DOCK9: variants seen among roughly 807,000 people sequenced by gnomAD.
DOCK9 encodes dedicator of cytokinesis protein 9.
A neutral mutation model predicts 263.3 loss-of-function variants in DOCK9; 89 were observed. The observed-to-expected ratio is 0.34, with a 90% CI of 0.28 to 0.40. The LOEUF is 0.40. DOCK9 is among the 10% of genes least tolerant of loss of function. The pLI is 1.00. For synonymous variants in DOCK9, 976 were observed against 973.1 expected (o/e 1.00, Z -0.06); for missense variants, 2,140 against 2,603.4 (o/e 0.82, Z 3.87).
intron 1 of DOCK9, among the ~76,000 whole-genome samples, chr13:98,995,040 C>T (rs1182955343): frequency 2.0e-5 from 3 of 152,010 alleles, no homozygotes; most frequent in Non-Finnish European, 4.4e-5. Flanking sequence ...AAGAAATGTA[C>T]GCATGGGAAA....
chr13:98,898,334 T>C (rs2139335601), intron 13 of DOCK9, 73 bp from the exon 14 acceptor site: 1 of 1,142,982 alleles, frequency 8.7e-7, no homozygotes, highest in East Asian at 2.5e-5. Context: ...GAGCCATCCT[T>C]ACATGCTCAC....
chr13:98,835,978 C>T lies in DOCK9; in HGVS notation c.4314+1516G>A, dbSNP rs138131606. Among the ~76,000 whole-genome samples the T allele has an allele frequency of 6.8e-3, 1,028 of 152,112 alleles. 8 individuals are homozygous for T. Among genetic ancestry groups the T allele is most frequent in the African/African-American group, 0.023 (967 of 41,510 alleles). On this transcript the variant is annotated intron_variant, in intron 39 of 52. Transcript: ENST00000682017. ...GTCTCGATCTCCTGACCTCGTGATC[C>T]GCCTGCCTTGGCCTCCCAAAGTGCT...
At chr13:98,965,555 T>A (rs2059105048) in intron 1 of DOCK9, among the ~76,000 whole-genome samples, 2 of 152,130 alleles carry the variant, frequency 1.3e-5, no homozygotes, top group Non-Finnish European at 2.9e-5. Context: ...TGCCCTGGGG[T>A]CCCAGGAGGA....
Position 98,933,416 on chromosome 13 carries a change from AT to A in DOCK9, c.244-3160del, listed in dbSNP as rs920067233. Among the ~76,000 whole-genome samples the A allele has an allele frequency of 2.9e-4, 44 of 151,956 alleles. 1 individual carries two copies. Among genetic ancestry groups the A allele is most frequent in the Admixed American group, 2.4e-3 (37 of 15,254 alleles). ...TTTAAATTATTAAACAGAATCCTGA[AT>A]TTTTTTTTCCTTCATGTATGTTCCA... On this transcript the variant is annotated intron_variant, in intron 2 of 52. Transcript: ENST00000682017.
At chr13:98,923,171 C>T in intron 5 of DOCK9, 131 bp downstream of exon 5, 1 of 790,776 alleles carries the variant, frequency 1.3e-6, no homozygotes, top group Non-Finnish European at 2.1e-6. Flanking sequence ...AAAAATTATT[C>T]CCGTTTCATG....
At chr13:98,843,623 T>C (rs2093297194) in intron 38 of DOCK9, among the ~76,000 whole-genome samples, 1 of 152,232 alleles carries the variant, frequency 6.6e-6, no homozygotes. Flanking sequence ...AGCTACATGC[T>C]GTTTACTGGC....
intron 49 of DOCK9, among the ~76,000 whole-genome samples, chr13:98,802,707 G>C (rs1278264419): frequency 6.6e-6 from 1 of 152,168 alleles, no homozygotes; most frequent in African/African-American, 2.4e-5. Context: ...CAGCTGACTG[G>C]GAACTACCCA....
intron 1 of DOCK9, among the ~76,000 whole-genome samples, chr13:99,032,450 T>C (rs1237856063): frequency 6.6e-6 from 1 of 151,070 alleles, no homozygotes; most frequent in Non-Finnish European, 1.5e-5. Flanking sequence ...CACTCCACAC[T>C]TCAGCCTGGG....
chr13:98,854,397 A>C (rs990727447), intron 34 of DOCK9: 4 of 151,984 alleles, frequency 2.6e-5, no homozygotes, highest in Non-Finnish European at 4.4e-5. Context: ...ATTGAAAAAA[A>C]AATTATGCGT....
At chr13:99,008,084 TAAATA>T (rs1595890929) in intron 1 of DOCK9, among the ~76,000 whole-genome samples, 1 of 151,740 alleles carries the variant, frequency 6.6e-6, no homozygotes. Flanking sequence ...AGGTATAGGT[TAAATA>T]AAATGTTACA....
At chr13:98,963,560 A>T (rs1014848690) in intron 1 of DOCK9, among the ~76,000 whole-genome samples, 1 of 152,222 alleles carries the variant, frequency 6.6e-6, no homozygotes, top group Admixed American at 6.5e-5. Context: ...CTGGTGATTA[A>T]ATGTTAAGAA....
intron 33 of DOCK9, 84 bp from the exon 34 acceptor site, chr13:98,856,115 T>A (rs2093700633): frequency 7.1e-7 from 1 of 1,410,396 alleles, no homozygotes; most frequent in African/African-American, 1.4e-5. Context: ...GGAAATTGCT[T>A]TTATTGCACT....
Position 98,845,934 on chromosome 13 carries a change from AGT to A in DOCK9, c.4186_4187del (p.Thr1396PhefsTer2). 6.2e-7 allele frequency: 1 copy of A among 1,613,540 alleles called. No individual in the cohort carries two copies. Among genetic ancestry groups the A allele is most frequent in the Non-Finnish European group, 8.5e-7 (1 of 1,179,718 alleles). ...TGTCATGGGACTTACTGTGGTTAAA[AGT>A]GAGAGAGTTATCCAGGCTGCCCAGC... ...QQLGSLDNSL[T>X]FNHSYGHSDA... On this transcript the variant is annotated frameshift_variant, in exon 38 of 53. Transcript: ENST00000682017. LOFTEE classifies it high-confidence loss of function.
exon 1 of DOCK9, chr13:99,086,610 G>C (rs1473593695): frequency 6.8e-6 from 1 of 147,202 alleles, no homozygotes; most frequent in Non-Finnish European, 1.5e-5. Flanking sequence ...CGCTCCGGGC[G>C]ACCGTGCGTG....
Position 98,846,072 on chromosome 13 carries a change from G to A in DOCK9, c.4062-12C>T. On this transcript the variant is annotated splice_polypyrimidine_tract_variant and intron_variant, in intron 37 of 52. Transcript: ENST00000682017. ...ACCCCTCCTGGTTCCTGCAACATGAGTGAAATGGGATAGAAGCAAAAGTTA... is the reference window on the plus strand; with the variant it reads ...ACCCCTCCTGGTTCCTGCAACATGAATGAAATGGGATAGAAGCAAAAGTTA... The A allele has an allele frequency of 6.4e-7, 1 of 1,561,432 alleles. No homozygotes were observed.
At chr13:98,952,252 T>C (rs2057523453) in intron 2 of DOCK9, among the ~76,000 whole-genome samples, 1 of 151,940 alleles carries the variant, frequency 6.6e-6, no homozygotes, top group Non-Finnish European at 1.5e-5. Context: ...TTTGTTTGTT[T>C]TGAGATGGAG....
intron 1 of DOCK9, among the ~76,000 whole-genome samples, chr13:98,969,339 AG>A (rs1221139243): frequency 3.9e-5 from 6 of 152,172 alleles, no homozygotes; most frequent in African/African-American, 1.4e-4. Context: ...TGCAGGTGGA[AG>A]GGAGGCAAAT....
At chr13:99,042,624 C>A (rs552329882) in intron 1 of DOCK9, among the ~76,000 whole-genome samples, 1 of 152,120 alleles carries the variant, frequency 6.6e-6, no homozygotes, top group Non-Finnish European at 1.5e-5. Flanking sequence ...GAGGAAGGAA[C>A]GTGAAAATAT....
chr13:98,800,407 T>A lies in DOCK9; in HGVS notation c.5797A>T (p.Ile1933Phe), dbSNP rs764497198. ...CTCATCTCGTCAATGGCCACCTCGATGGGGTTCAGGTCAGTGTGGTGCTGG... is the reference window on the plus strand; with the variant it reads ...CTCATCTCGTCAATGGCCACCTCGAAGGGGTTCAGGTCAGTGTGGTGCTGG... ...MYQHHTDLNP[I>F]EVAIDEMSKK... is the part of the protein sequence containing the mutation. The change falls in exon 50 of 53, where the codon ATC (isoleucine) becomes TTC (phenylalanine). Residue 1933 changes from isoleucine to phenylalanine, a missense_variant. Ile to Phe is a conservative substitution (Grantham distance 21). Coordinates refer to ENST00000682017, the MANE Select transcript of DOCK9 (RefSeq NM_001366683.2). The A allele has an allele frequency of 4.3e-6, 7 of 1,613,830 alleles. No individual in the cohort carries two copies. The African/African-American group carries it at 8.0e-5, about 18-fold the overall frequency.
Sources: gnomAD v4.1 joint callset for allele counts (sites outside exome capture counted in the v4.1 genomes callset) on GRCh38, gnomAD v4.1.1 for gene constraint, MANE v1.5 for transcripts, NCBI Gene and HGNC (gene_info 2026-07-23, HGNC 2026-07-21) for gene names.